Variants in EFR3B observed in about 807,000 individuals in gnomAD.
EFR3B encodes EFR3 homolog B.
A neutral mutation model predicts 104.7 loss-of-function variants in EFR3B; 64 were observed. That is an observed-to-expected ratio of 0.61 (90% CI 0.50 to 0.75). The LOEUF (loss-of-function observed/expected upper bound fraction) is 0.75. Ranked by LOEUF, EFR3B falls within the 30% of genes least tolerant of loss-of-function variation. EFR3B has a pLI of 0.00. For synonymous variants in EFR3B, 385 were observed against 417.9 expected, an observed-to-expected ratio of 0.92 and a Z score of 0.96; for missense variants, 750 against 1,078.5, an observed-to-expected ratio of 0.70 and a Z score of 4.27.
intron 4 of EFR3B, among the ~76,000 whole-genome samples, chr2:25,112,431 G>A (rs567227774): frequency 6.6e-6 from 1 of 152,248 alleles, no homozygotes; most frequent in Non-Finnish European, 1.5e-5. Flanking sequence ...AGTCTTGAAG[G>A]GGGGACTGTG....
intron 1 of EFR3B, among the ~76,000 whole-genome samples, chr2:25,089,660 T>G (rs1669058103): frequency 6.6e-6 from 1 of 152,028 alleles, no homozygotes; most frequent in South Asian, 2.1e-4. Context: ...CTGGGAGCTG[T>G]CCCATCACAA....
chr2:25,045,436 T>C (rs1339834404), intron 1 of EFR3B, among the ~76,000 whole-genome samples: 2 of 152,238 alleles, frequency 1.3e-5, no homozygotes, highest in African/African-American at 4.8e-5. Flanking sequence ...GGAAGATCAT[T>C]AGCAAATTCT....
At chr2:25,103,568 T>G in intron 3 of EFR3B, 69 bp from the exon 4 acceptor site, 1 of 1,508,672 alleles carries the variant, frequency 6.6e-7, no homozygotes, top group Middle Eastern at 1.8e-4. Context: ...CACTGACACC[T>G]TGCATGCCCT....
At chr2:25,108,059 C>G (rs1006008587) in intron 4 of EFR3B, among the ~76,000 whole-genome samples, 1 of 152,122 alleles carries the variant, frequency 6.6e-6, no homozygotes, top group African/African-American at 2.4e-5. Flanking sequence ...TTCTCAAACT[C>G]TTGACCTCAA....
At chr2:25,129,923 C>A in intron 6 of EFR3B, 52 bp from the exon 7 acceptor site, 1 of 1,545,368 alleles carries the variant, frequency 6.5e-7, no homozygotes, top group South Asian at 1.2e-5. Flanking sequence ...TTGTACAGAG[C>A]CTGACCCCAG....
intron 1 of EFR3B, among the ~76,000 whole-genome samples, chr2:25,087,167 T>C (rs1451335823): frequency 2.0e-5 from 3 of 151,934 alleles, no homozygotes; most frequent in African/African-American, 2.4e-5. Flanking sequence ...TCGTGAGAAC[T>C]CACCCACTGT....
At chr2:25,108,958 A>G (rs1383888336) in intron 4 of EFR3B, among the ~76,000 whole-genome samples, 1 of 152,180 alleles carries the variant, frequency 6.6e-6, no homozygotes, top group Non-Finnish European at 1.5e-5. Flanking sequence ...GTGAGCCGAG[A>G]TCGCTCCACT....
In EFR3B at chr2:25,059,533, C is replaced by T. The variant is rs183207659; in HGVS notation, c.7+17214C>T. 3.2e-3 allele frequency among the ~76,000 whole-genome samples: 428 copies of T among 132,460 alleles called. 2 individuals carry two copies. The highest frequency in any genetic ancestry group is 0.012 in the African/African-American group (402 of 34,666). The allele number at this position is 132,460 out of a possible 152,430, so 86.9% of individuals were successfully genotyped here. On this transcript the variant is annotated intron_variant, in intron 1 of 22. Coordinates refer to ENST00000403714, the MANE Select transcript of EFR3B (RefSeq NM_014971.2). ...ATGAGGAAGCTACAGTAGTCAAATT[C>T]GTAGAGACAGAAAGTAGAATAGAGG...
At chr2:25,045,303 C>A (rs568778719) in intron 1 of EFR3B, among the ~76,000 whole-genome samples, 1 of 152,192 alleles carries the variant, frequency 6.6e-6, no homozygotes, top group African/African-American at 2.4e-5. Context: ...CATTCCTAAA[C>A]CCATCAGTTT....
At chr2:25,120,188 C>G (rs1266210416) in intron 4 of EFR3B, among the ~76,000 whole-genome samples, 2 of 146,458 alleles carry the variant, frequency 1.4e-5, no homozygotes, top group African/African-American at 5.4e-5. Context: ...AACGCTGTCT[C>G]TACAAAAAAA....
In EFR3B at chr2:25,144,973, A is replaced by T. The variant is rs1161922507; in HGVS notation, c.2064A>T (p.Leu688Phe). 5.2e-6 allele frequency: 8 copies of T among 1,551,734 alleles called. No homozygotes were observed. The highest frequency in any genetic ancestry group is 7.0e-6 in the Non-Finnish European group (8 of 1,146,998). Residue 688 changes from leucine to phenylalanine, a missense_variant, in exon 19 of 23, where the codon TTA becomes TTT. Physicochemically the swap from Leu to Phe is conservative, Grantham distance 22 (BLOSUM62 0). Coordinates refer to ENST00000403714, the MANE Select transcript of EFR3B (RefSeq NM_014971.2). ...YIPQLTDEDR[L>F]SKRRSIGETI... ...CTTCTTCCCCAGATGAGGATCGTTT[A>T]TCCAAGAGGAGGAGCATTGGAGAGA...
At chr2:25,048,961 A>G (rs2149162992) in intron 1 of EFR3B, among the ~76,000 whole-genome samples, 1 of 152,250 alleles carries the variant, frequency 6.6e-6, no homozygotes, top group Middle Eastern at 3.4e-3. Context: ...GACTAGTTAC[A>G]TATTGTCCAA....
intron 4 of EFR3B, among the ~76,000 whole-genome samples, chr2:25,116,740 TC>T (rs1172212354): frequency 6.6e-6 from 1 of 152,000 alleles, no homozygotes; most frequent in Non-Finnish European, 1.5e-5. Flanking sequence ...AAGGGAGTTT[TC>T]CAGTGAGGTT....
At chr2:25,128,388 C>G in intron 6 of EFR3B, 56 bp downstream of exon 6, 1 of 1,543,848 alleles carries the variant, frequency 6.5e-7, no homozygotes, top group Non-Finnish European at 8.8e-7. Context: ...CCAAGGGCTG[C>G]TTGGGAACCA....
At chr2:25,077,554 G>T (rs1020602044) in intron 1 of EFR3B, among the ~76,000 whole-genome samples, 2 of 152,230 alleles carry the variant, frequency 1.3e-5, no homozygotes, top group African/African-American at 2.4e-5. Context: ...CTCCCAAAGT[G>T]TTGGGATTAC....
At chr2:25,065,051 C>T (rs943231186) in intron 1 of EFR3B, among the ~76,000 whole-genome samples, 3 of 151,686 alleles carry the variant, frequency 2.0e-5, no homozygotes, top group Admixed American at 6.6e-5. Flanking sequence ...TTAGAAGCAG[C>T]CTGCATCCCT....
chr2:25,149,881 T>G (rs1670953294), intron 20 of EFR3B, 139 bp downstream of exon 20: 2 of 804,686 alleles, frequency 2.5e-6, no homozygotes, highest in African/African-American at 3.4e-5. Flanking sequence ...TGGTGTCTTT[T>G]GACAAACTCA....
rs1470135837 is a variant in EFR3B, at chr2:25,155,574, C to CA, written c.*1235dup. 6.6e-6 allele frequency: 1 copy of CA among 152,208 alleles called. No homozygotes were observed. The highest frequency in any genetic ancestry group is 1.5e-5 in the Non-Finnish European group (1 of 68,084). The allele number at this position is 152,208 out of a possible 1,614,324, so 9.4% of individuals were successfully genotyped here. ...GAGCCGGGCAGAGCCACCCAGGAGGCAGTTTGTTGCCTTCTTTGCCAATTC... is the reference window on the plus strand; with the variant it reads ...GAGCCGGGCAGAGCCACCCAGGAGGCAAGTTTGTTGCCTTCTTTGCCAATTC... On this transcript the variant is annotated 3_prime_UTR_variant, in exon 23 of 23. Coordinates refer to ENST00000403714, the MANE Select transcript of EFR3B (RefSeq NM_014971.2).
Position 25,067,238 on chromosome 2 carries a change from G to A in EFR3B, c.8-24087G>A, listed in dbSNP as rs1408431059. ...CGCTCCTCACCCTCTCCATCCCTAG[G>A]CACCCCCACCCAGCTCTACTCGGTG... On this transcript the variant is annotated intron_variant, in intron 1 of 22. Coordinates refer to ENST00000403714, the MANE Select transcript of EFR3B (RefSeq NM_014971.2). Among the ~76,000 whole-genome samples, 4 of 151,818 alleles carry A rather than the reference G, an allele frequency of 2.6e-5. No individual in the cohort carries two copies. The East Asian group carries it at 7.7e-4, about 29-fold the overall frequency.
Sources: gnomAD v4.1 joint callset for allele counts (sites outside exome capture counted in the v4.1 genomes callset) on GRCh38, gnomAD v4.1.1 for gene constraint, MANE v1.5 for transcripts, NCBI Gene and HGNC (gene_info 2026-07-23, HGNC 2026-07-21) for gene names.